The following VWA8 variants were observed in gnomAD, a reference collection of about 807,000 sequenced individuals.
VWA8 encodes the protein von Willebrand factor A domain containing 8.
A neutral mutation model predicts 241.5 loss-of-function variants in VWA8; 221 were observed. The observed-to-expected ratio is 0.91, with a 90% CI of 0.82 to 1.02. The LOEUF is 1.02. Among genes scored for constraint, VWA8 ranks in the 50% least tolerant of loss-of-function variants. VWA8 has a pLI of 0.00. For missense variants in VWA8, 2,322 were observed against 2,328.7 expected, an observed-to-expected ratio of 1.00 and a Z score of 0.06; for synonymous variants, 852 against 827.1, an observed-to-expected ratio of 1.03 and a Z score of -0.52.
chr13:41,832,563 GA>G (rs75772925), intron 13 of VWA8, among the ~76,000 whole-genome samples: 13,352 of 147,942 alleles, frequency 0.09, 712 homozygotes, highest in African/African-American at 0.15. Context: ...ATCACATCAA[GA>G]AAAAAAAAAC....
intron 17 of VWA8, among the ~76,000 whole-genome samples, chr13:41,809,689 A>G (rs2137972177): frequency 6.6e-6 from 1 of 152,290 alleles, no homozygotes; most frequent in Middle Eastern, 3.4e-3. Context: ...GACATTGGTC[A>G]GGACAAATAT....
chr13:41,813,816 T>C (rs1870572546), intron 16 of VWA8, among the ~76,000 whole-genome samples: 1 of 152,064 alleles, frequency 6.6e-6, no homozygotes, highest in African/African-American at 2.4e-5. Flanking sequence ...AAATTGAGAG[T>C]ATACTTTAAA....
At chr13:41,849,991 T>C (rs902831317) in intron 12 of VWA8, among the ~76,000 whole-genome samples, 3 of 152,200 alleles carry the variant, frequency 2.0e-5, no homozygotes, top group African/African-American at 7.2e-5. Context: ...CATTACATAA[T>C]GTCCTTATGT....
intron 41 of VWA8, among the ~76,000 whole-genome samples, chr13:41,588,407 T>C (rs74830395): frequency 0.031 from 4,761 of 152,256 alleles, 86 homozygotes; most frequent in East Asian, 0.082. Flanking sequence ...AAGAAAAAGT[T>C]TGTTAGTTTT....
rs116514204 is a variant in VWA8 at position 41,736,104 on chromosome 13, C to T, written c.2427-3949G>A. Among the ~76,000 whole-genome samples the T allele has an allele frequency of 2.5e-3, 376 of 152,218 alleles. 2 individuals are homozygous for T. The highest frequency in any genetic ancestry group is 8.7e-3 in the African/African-American group (362 of 41,562). On this transcript the variant is annotated intron_variant, in intron 21 of 44. Coordinates refer to ENST00000379310, the MANE Select transcript of VWA8 (RefSeq NM_015058.2). Reference sequence around the variant, plus strand: ...GAAAACTTAAAACACATTTTAGTTACATGTTCTTAGCCTAAAGCTTAAAAA... The same window carrying T: ...GAAAACTTAAAACACATTTTAGTTATATGTTCTTAGCCTAAAGCTTAAAAA...
chr13:41,648,451 C>A (rs575191957), intron 37 of VWA8, among the ~76,000 whole-genome samples: 1 of 152,188 alleles, frequency 6.6e-6, no homozygotes, highest in Admixed American at 6.5e-5. Flanking sequence ...GGAATAAAAA[C>A]AAGGTGACTC....
intron 17 of VWA8, among the ~76,000 whole-genome samples, chr13:41,796,315 T>C (rs997936511): frequency 1.2e-4 from 19 of 152,158 alleles, no homozygotes; most frequent in African/African-American, 4.3e-4. Flanking sequence ...AATTTGACAA[T>C]AAAACCACTC....
chr13:41,607,449 A>C (rs973111117), intron 39 of VWA8, among the ~76,000 whole-genome samples: 1 of 152,142 alleles, frequency 6.6e-6, no homozygotes, highest in East Asian at 1.9e-4. Context: ...AAATCTCTCT[A>C]TGACTTTTTA....
chr13:41,789,177 G>C lies in VWA8; in HGVS notation c.2064-1634C>G, dbSNP rs149049271. ...ATGAGGAAAATGGAACATATCAGGC[G>C]GTGTAAGGCCAATCCTAATTTTTTT... On this transcript the variant is annotated intron_variant, in intron 17 of 44. Coordinates refer to ENST00000379310, the MANE Select transcript of VWA8 (RefSeq NM_015058.2). Among the ~76,000 whole-genome samples the C allele has an allele frequency of 2.6e-5, 4 of 152,214 alleles. No homozygotes were observed. The South Asian group carries it at 8.3e-4, about 32-fold the overall frequency.
intron 2 of VWA8, among the ~76,000 whole-genome samples, chr13:41,934,838 G>A (rs970374642): frequency 6.6e-6 from 1 of 151,854 alleles, no homozygotes; most frequent in African/African-American, 2.4e-5. Flanking sequence ...AATGTTTCCT[G>A]GTTATATACA....
chr13:41,644,049 G>A (rs948049697), intron 37 of VWA8, among the ~76,000 whole-genome samples: 1 of 152,004 alleles, frequency 6.6e-6, no homozygotes, highest in African/African-American at 2.4e-5. Context: ...TCTTTCTCCT[G>A]TTAAGTTCAT....
intron 3 of VWA8, among the ~76,000 whole-genome samples, chr13:41,908,903 G>A (rs181682164): frequency 1.3e-5 from 2 of 152,246 alleles, no homozygotes; most frequent in East Asian, 3.9e-4. Context: ...TGCCATTAAT[G>A]GCAAAAAGGG....
intron 4 of VWA8, among the ~76,000 whole-genome samples, chr13:41,897,546 A>C (rs1455480026): frequency 6.6e-6 from 1 of 152,232 alleles, no homozygotes; most frequent in East Asian, 1.9e-4. Flanking sequence ...CAATATATGG[A>C]CTGAATAGAT....
intron 2 of VWA8, among the ~76,000 whole-genome samples, chr13:41,946,360 AACT>A (rs1877850801): frequency 6.6e-6 from 1 of 152,184 alleles, no homozygotes; most frequent in Non-Finnish European, 1.5e-5. Flanking sequence ...CAGTAAAGGG[AACT>A]ACATAGATAA....
At chr13:41,906,112 C>A (rs1438464984) in intron 4 of VWA8, among the ~76,000 whole-genome samples, 1 of 152,072 alleles carries the variant, frequency 6.6e-6, no homozygotes, top group Non-Finnish European at 1.5e-5. Context: ...AAGGTAGTGT[C>A]TGCCAAATCT....
intron 9 of VWA8, among the ~76,000 whole-genome samples, chr13:41,877,579 T>C (rs897793730): frequency 1.3e-5 from 2 of 152,090 alleles, no homozygotes; most frequent in South Asian, 2.1e-4. Flanking sequence ...TTTGTTGAAC[T>C]AAATAAAAAT....
intron 43 of VWA8, among the ~76,000 whole-genome samples, chr13:41,573,484 A>AAAAATAAATAAAT (rs1555303579): frequency 1.7e-5 from 2 of 117,028 alleles, no homozygotes; most frequent in African/African-American, 3.7e-5. Context: ...TAAAAAAAAA[A>AAAAATAAATAAAT]AAATATATAT....
chr13:41,858,211 C>G (rs1384506908), intron 12 of VWA8, among the ~76,000 whole-genome samples: 1 of 152,138 alleles, frequency 6.6e-6, no homozygotes, highest in Non-Finnish European at 1.5e-5. Flanking sequence ...GAAATCCTAA[C>G]TAATACAGAC....
intron 17 of VWA8, 152 bp from the exon 18 acceptor site, chr13:41,787,695 A>T (rs1869269217): frequency 1.7e-6 from 1 of 576,394 alleles, no homozygotes; most frequent in Non-Finnish European, 3.0e-6. Context: ...AATCTAAATC[A>T]AACAAAATTT....
Sources: gnomAD v4.1 joint callset for allele counts (sites outside exome capture counted in the v4.1 genomes callset) on GRCh38, gnomAD v4.1.1 for gene constraint, MANE v1.5 for transcripts, NCBI Gene and HGNC (gene_info 2026-07-23, HGNC 2026-07-21) for gene names.